The following EEPD1 variants were observed in gnomAD, a reference collection of about 807,000 sequenced individuals.
EEPD1 encodes the protein endonuclease/exonuclease/phosphatase family domain-containing protein 1.
EEPD1 carries 17 observed loss-of-function variants against 46.3 expected under a neutral mutation model. That is an observed-to-expected ratio of 0.37 (90% CI 0.25 to 0.55). The LOEUF (loss-of-function observed/expected upper bound fraction) is 0.55, where lower values mean the gene tolerates loss of function less well. Among genes scored for constraint, EEPD1 ranks in the 20% least tolerant of loss-of-function variants. The probability of loss-of-function intolerance (pLI) is 0.83; values close to 1 mark genes in which losing one functional copy is unlikely to be tolerated. For missense variants in EEPD1, 673 were observed against 745.6 expected, an observed-to-expected ratio of 0.90 and a Z score of 1.13; for synonymous variants, 313 against 315.6, an observed-to-expected ratio of 0.99 and a Z score of 0.09.
chr7:36,242,401 G>A (rs896805300), intron 3 of EEPD1, among the ~76,000 whole-genome samples: 4 of 152,138 alleles, frequency 2.6e-5, no homozygotes, highest in African/African-American at 9.7e-5. Context: ...GTGTACAGGG[G>A]CCAGCAGGGA....
At position 36,217,351 on chromosome 7, in the gene EEPD1, G is replaced by A. The variant is rs146888294; in HGVS notation, c.879-21634G>A. Among the ~76,000 whole-genome samples, 339 of 152,368 alleles carry A rather than the reference G, an allele frequency of 2.2e-3. 1 individual carries two copies. Among genetic ancestry groups the A allele is most frequent in the African/African-American group, 7.6e-3 (318 of 41,578 alleles). ...ACTTACAAACTGTCATGGCACTGGC[G>A]AGAGTGTCTTTTAGCATGCTAATGC... On this transcript the variant is annotated intron_variant, in intron 2 of 7. Coordinates refer to ENST00000242108, the MANE Select transcript of EEPD1 (RefSeq NM_030636.3).
intron 2 of EEPD1, among the ~76,000 whole-genome samples, chr7:36,204,765 G>A (rs1785782535): frequency 6.6e-6 from 1 of 152,144 alleles, no homozygotes; most frequent in Admixed American, 6.5e-5. Context: ...GCCTCCCGGA[G>A]TTTCTGAAGT....
At chr7:36,236,931 G>C (rs1056942771) in intron 2 of EEPD1, among the ~76,000 whole-genome samples, 1 of 152,174 alleles carries the variant, frequency 6.6e-6, no homozygotes, top group Admixed American at 6.5e-5. Flanking sequence ...GGGGCAACCC[G>C]CTCGCCTACC....
intron 2 of EEPD1, among the ~76,000 whole-genome samples, chr7:36,190,011 A>G (rs139609021): frequency 1.6e-4 from 25 of 151,884 alleles, no homozygotes; most frequent in African/African-American, 5.6e-4. Context: ...AACAACAATT[A>G]CATGATTTTG....
intron 2 of EEPD1, among the ~76,000 whole-genome samples, chr7:36,179,119 T>TA (rs1235155399): frequency 2.0e-5 from 3 of 152,238 alleles, no homozygotes; most frequent in African/African-American, 7.2e-5. Context: ...AACATGTATT[T>TA]AAAAGATACA....
intron 3 of EEPD1, among the ~76,000 whole-genome samples, chr7:36,251,355 G>A (rs527254450): frequency 2.6e-4 from 39 of 152,176 alleles, no homozygotes; most frequent in African/African-American, 9.2e-4. Flanking sequence ...TTGTTCCCAA[G>A]TCTGGAGTGC....
At chr7:36,265,942 T>C (rs1787009204) in intron 3 of EEPD1, among the ~76,000 whole-genome samples, 1 of 152,194 alleles carries the variant, frequency 6.6e-6, no homozygotes, top group Non-Finnish European at 1.5e-5. Flanking sequence ...CTGCCAAAGT[T>C]GGGGTTCAGC....
At position 36,155,160 on chromosome 7, in the gene EEPD1, C is replaced by A; in HGVS notation, c.836C>A (p.Pro279His). The change falls in exon 2 of 8, where the codon CCC becomes CAC. Residue 279 changes from proline (P) to histidine (H), a missense_variant. Pro to His is a moderately conservative substitution (Grantham distance 77). Coordinates refer to ENST00000242108, the MANE Select transcript of EEPD1 (RefSeq NM_030636.3). The part of the protein sequence containing the change: ...QGCSVEKANN[P>H]GVREVVCMTL... ...TGTTCCGTGGAGAAGGCCAACAACC[C>A]CGGGGTGCGAGAGGTGGTGTGCATG... 2 of 1,522,802 alleles carry A rather than the reference C, an allele frequency of 1.3e-6. No individual in the cohort carries two copies. The highest frequency in any genetic ancestry group is 1.8e-6 in the Non-Finnish European group (2 of 1,136,650). The allele number at this position is 1,522,802 out of a possible 1,614,324, so 94.3% of individuals were successfully genotyped here. A position where few individuals can be genotyped will look rare whatever the true frequency, so the allele number is the denominator to read the frequency against.
intron 6 of EEPD1, among the ~76,000 whole-genome samples, chr7:36,292,581 C>T (rs940785560): frequency 1.3e-5 from 2 of 151,950 alleles, no homozygotes; most frequent in African/African-American, 2.4e-5. Flanking sequence ...CATGTTGGCT[C>T]ACTGCAACCT....
chr7:36,166,479 G>C (rs900707631), intron 2 of EEPD1, among the ~76,000 whole-genome samples: 40 of 152,120 alleles, frequency 2.6e-4, no homozygotes, highest in Non-Finnish European at 2.8e-4. Flanking sequence ...CCAGCACTTT[G>C]GGAGGTCTAG....
intron 3 of EEPD1, among the ~76,000 whole-genome samples, chr7:36,274,490 G>A (rs1787156643): frequency 6.6e-6 from 1 of 152,186 alleles, no homozygotes; most frequent in South Asian, 2.1e-4. Flanking sequence ...TTAATATTTA[G>A]TTTATACTTG....
intron 2 of EEPD1, among the ~76,000 whole-genome samples, chr7:36,235,256 C>T (rs1478909163): frequency 6.6e-6 from 1 of 152,234 alleles, no homozygotes; most frequent in African/African-American, 2.4e-5. Context: ...ACCACCTGCT[C>T]ATTGTGTCCA....
Position 36,154,853 on chromosome 7 carries a change from C to G in EEPD1, c.529C>G (p.Leu177Val). 1 of 1,614,188 alleles carries G rather than the reference C, an allele frequency of 6.2e-7. No homozygotes were observed. The highest frequency in any genetic ancestry group is 8.5e-7 in the Non-Finnish European group (1 of 1,180,034). The change falls in exon 2 of 8, where the codon CTA becomes GTA. Residue 177 changes from leucine (L) to valine (V), a missense_variant. By Grantham distance (32) the Leu-to-Val change is conservative. Coordinates refer to ENST00000242108, the MANE Select transcript of EEPD1 (RefSeq NM_030636.3). The surrounding 1 kb of genome is among the most constrained non-coding windows in gnomAD (Gnocchi z 4.2). ...EHGPFRSVED[L>V]VRMDGINAAF... The stretch of plus-strand genomic sequence containing the variant: ...TGGGCCCTTTCGCAGCGTTGAGGAC[C>G]TAGTGAGGATGGATGGTATCAATGC...
chr7:36,289,921 G>A (rs1787402639), intron 6 of EEPD1, among the ~76,000 whole-genome samples: 3 of 152,166 alleles, frequency 2.0e-5, no homozygotes, highest in South Asian at 2.1e-4. Flanking sequence ...TTGTGACAAC[G>A]CTGCTGTGAA....
chr7:36,298,638 G>T (rs1277502993), intron 7 of EEPD1, among the ~76,000 whole-genome samples: 1 of 151,984 alleles, frequency 6.6e-6, no homozygotes, highest in East Asian at 1.9e-4. Flanking sequence ...TGCAAAACTG[G>T]ACCTTTGCTT....
chr7:36,156,914 C>T (rs1453267049), intron 2 of EEPD1, among the ~76,000 whole-genome samples: 4 of 152,100 alleles, frequency 2.6e-5, no homozygotes, highest in Admixed American at 1.3e-4. Flanking sequence ...CAGGTCTAGT[C>T]GGCCCTCCAT....
At chr7:36,192,958 C>T (rs562741836) in intron 2 of EEPD1, among the ~76,000 whole-genome samples, 1 of 152,294 alleles carries the variant, frequency 6.6e-6, no homozygotes, top group Non-Finnish European at 1.5e-5. Context: ...CCTTCTCTGT[C>T]GGTTTCCTGG....
chr7:36,221,281 G>A (rs574740934), intron 2 of EEPD1, among the ~76,000 whole-genome samples: 1 of 152,298 alleles, frequency 6.6e-6, no homozygotes, highest in Non-Finnish European at 1.5e-5. Context: ...CATTTTGAAT[G>A]AATGTTACAG....
Position 36,300,382 on chromosome 7 carries a change from G to GCC in EEPD1, c.*1177_*1178insCC, listed in dbSNP as rs1232957457. On this transcript the variant is annotated 3_prime_UTR_variant, in exon 8 of 8. Transcript: ENST00000242108. ...CAATTTGCGTTTCACAGCTGAAGAC[G>GCC]CTGAGGCTTAGAGAGCTCGACCTCC... The GCC allele has an allele frequency of 1.3e-5, 2 of 152,246 alleles. No individual in the cohort carries two copies. The highest frequency in any genetic ancestry group is 2.9e-5 in the Non-Finnish European group (2 of 68,060). 9.4% of individuals were successfully genotyped at this position (152,246 alleles called of 1,614,324 possible). A position where few individuals can be genotyped will look rare whatever the true frequency, so the allele number is the denominator to read the frequency against.
Sources: gnomAD v4.1 joint callset for allele counts (sites outside exome capture counted in the v4.1 genomes callset) on GRCh38, gnomAD v4.1.1 for gene constraint, Gnocchi (gnomAD v3.1) non-coding constraint, MANE v1.5 for transcripts, NCBI Gene and HGNC (gene_info 2026-07-23, HGNC 2026-07-21) for gene names.